Variants in CCSER1 observed in about 807,000 individuals in gnomAD.
The protein encoded by CCSER1 is serine-rich coiled-coil domain-containing protein 1.
A neutral mutation model predicts 82.0 loss-of-function variants in CCSER1; 41 were observed. The observed-to-expected ratio is 0.50, with a 90% CI of 0.39 to 0.65. The LOEUF (loss-of-function observed/expected upper bound fraction) is 0.65, where lower values mean the gene tolerates loss of function less well. Among genes scored for constraint, CCSER1 ranks in the 30% least tolerant of loss-of-function variants. The pLI is 0.00. For synonymous variants in CCSER1, 414 were observed against 383.9 expected, an observed-to-expected ratio of 1.08 and a Z score of -0.92; for missense variants, 1,119 against 1,064.2, an observed-to-expected ratio of 1.05 and a Z score of -0.72.
chr4:90,321,635 C>G (rs1561024491), intron 3 of CCSER1, among the ~76,000 whole-genome samples: 1 of 152,128 alleles, frequency 6.6e-6, no homozygotes, highest in African/African-American at 2.4e-5. Flanking sequence ...CAAGGAATCT[C>G]CAAAATGTTC....
chr4:91,037,677 A>G (rs1297128614), intron 9 of CCSER1, among the ~76,000 whole-genome samples: 2 of 152,134 alleles, frequency 1.3e-5, no homozygotes, highest in Non-Finnish European at 2.9e-5. Flanking sequence ...CATAAAAATG[A>G]AAGAAAGATA....
chr4:90,751,272 C>T (rs1210033024), intron 7 of CCSER1, among the ~76,000 whole-genome samples: 1 of 152,054 alleles, frequency 6.6e-6, no homozygotes, highest in Admixed American at 6.6e-5. Flanking sequence ...TTAATATACA[C>T]AAAATTTAGC....
At chr4:90,664,371 G>A (rs958539550) in intron 6 of CCSER1, among the ~76,000 whole-genome samples, 49 of 152,088 alleles carry the variant, frequency 3.2e-4, no homozygotes, top group Non-Finnish European at 1.5e-4. Flanking sequence ...ATTTGTTAAT[G>A]TGTTCTCACA....
chr4:91,185,603 T>C (rs556318295), intron 10 of CCSER1, among the ~76,000 whole-genome samples: 1 of 152,318 alleles, frequency 6.6e-6, no homozygotes, highest in South Asian at 2.1e-4. Context: ...AGGTTTAGAA[T>C]GGGGCCCAGG....
chr4:90,815,769 T>C lies in CCSER1; in HGVS notation c.2018T>C (p.Met673Thr). ...TCTTTGATGTTTTTATAGGATATAA[T>C]GAAAGATGAATGCTCGATGCTCAAG... is the stretch of plus-strand genomic sequence containing the variant. Reference protein sequence around the residue: ...TEEPVPFKDIMKDECSMLKLQ... With the variant: ...TEEPVPFKDITKDECSMLKLQ... Residue 673 changes from methionine to threonine, a missense_variant, in exon 8 of 11, where the codon ATG (methionine) becomes ACG (threonine). By Grantham distance (81) the Met-to-Thr change is moderately conservative. Coordinates refer to ENST00000509176, the MANE Select transcript of CCSER1 (RefSeq NM_001145065.2). 6.4e-7 allele frequency: 1 copy of C among 1,550,604 alleles called. No individual in the cohort carries two copies. Among genetic ancestry groups the C allele is most frequent in the South Asian group, 1.2e-5 (1 of 83,966 alleles).
In CCSER1 at chr4:90,238,894, A is replaced by G. The variant is rs562023382; in HGVS notation, c.-41-69350A>G. On this transcript the variant is annotated intron_variant, in intron 1 of 10. Coordinates refer to ENST00000509176, the MANE Select transcript of CCSER1 (RefSeq NM_001145065.2). ...GAGACAGAGTCTCACTTTGTTGCCC[A>G]GGCTGCAGTGCAATGGCATGATCTC... Among the ~76,000 whole-genome samples, 8 of 151,782 alleles carry G rather than the reference A, an allele frequency of 5.3e-5. No individual in the cohort carries two copies. The East Asian group carries it at 1.6e-3, about 29-fold the overall frequency.
At chr4:90,265,457 G>A (rs1409562846) in intron 1 of CCSER1, among the ~76,000 whole-genome samples, 1 of 151,572 alleles carries the variant, frequency 6.6e-6, no homozygotes, top group Non-Finnish European at 1.5e-5. Flanking sequence ...ATTTTTTCTT[G>A]AACATAATGA....
At chr4:90,889,537 G>GC (rs1722658561) in intron 8 of CCSER1, among the ~76,000 whole-genome samples, 1 of 152,104 alleles carries the variant, frequency 6.6e-6, no homozygotes. Flanking sequence ...AGAAGGATAA[G>GC]CCCATTAGGG....
intron 5 of CCSER1, among the ~76,000 whole-genome samples, chr4:90,573,060 G>A (rs902068694): frequency 3.3e-5 from 5 of 152,228 alleles, no homozygotes; most frequent in Non-Finnish European, 7.3e-5. Flanking sequence ...GAACCCTGGG[G>A]ACTACAACAG....
At chr4:90,527,600 A>C (rs2153628555) in intron 5 of CCSER1, among the ~76,000 whole-genome samples, 1 of 152,276 alleles carries the variant, frequency 6.6e-6, no homozygotes, top group Admixed American at 6.5e-5. Flanking sequence ...CCCCTGAAGA[A>C]ATCAAGGCTC....
chr4:90,503,646 A>G (rs1770261255), intron 5 of CCSER1, among the ~76,000 whole-genome samples: 1 of 152,004 alleles, frequency 6.6e-6, no homozygotes, highest in Non-Finnish European at 1.5e-5. Context: ...CCCACCTATG[A>G]GTGAGAACAT....
At chr4:90,762,499 C>T (rs935877787) in intron 7 of CCSER1, among the ~76,000 whole-genome samples, 3 of 152,110 alleles carry the variant, frequency 2.0e-5, no homozygotes, top group African/African-American at 7.2e-5. Flanking sequence ...TTTGCACATC[C>T]AGGACTGCCT....
intron 6 of CCSER1, among the ~76,000 whole-genome samples, chr4:90,665,402 G>A (rs188271077): frequency 4.7e-3 from 717 of 151,528 alleles, no homozygotes; most frequent in Middle Eastern, 0.02. Context: ...GCTCACTGCA[G>A]GCTCCGCCCC....
intron 10 of CCSER1, among the ~76,000 whole-genome samples, chr4:91,435,962 A>G (rs770526548): frequency 3.9e-5 from 6 of 152,208 alleles, no homozygotes; most frequent in Non-Finnish European, 7.3e-5. Flanking sequence ...CAGTAGAAGA[A>G]AGCTCCTTGG....
rs186419539 is a variant in CCSER1, at chr4:91,502,415, A to C, written c.2218-96157A>C. 1.8e-4 allele frequency among the ~76,000 whole-genome samples: 27 copies of C among 152,302 alleles called. No homozygotes were observed. The East Asian group carries it at 5.2e-3, about 29-fold the overall frequency. On this transcript the variant is annotated intron_variant, in intron 10 of 10. Transcript: ENST00000509176. Reference sequence around the variant, plus strand: ...GTGAAAAAAATTTGAAAATTAATGAAATTAAATCAAACATATTCTTGGCAT... The same window carrying C: ...GTGAAAAAAATTTGAAAATTAATGACATTAAATCAAACATATTCTTGGCAT...
intron 1 of CCSER1, among the ~76,000 whole-genome samples, chr4:90,157,324 A>G (rs1266842669): frequency 1.3e-5 from 2 of 151,856 alleles, no homozygotes; most frequent in South Asian, 2.1e-4. Context: ...CTTCATTTCA[A>G]CTTTGGTGAA....
intron 10 of CCSER1, among the ~76,000 whole-genome samples, chr4:91,157,403 G>T (rs1458050968): frequency 1.3e-5 from 2 of 151,764 alleles, no homozygotes; most frequent in African/African-American, 4.8e-5. Flanking sequence ...GCCTTATAAG[G>T]CATTTCTCTT....
intron 6 of CCSER1, among the ~76,000 whole-genome samples, chr4:90,700,050 C>T (rs540279083): frequency 6.6e-6 from 1 of 151,686 alleles, no homozygotes; most frequent in African/African-American, 2.4e-5. Flanking sequence ...AGGTTTGTTA[C>T]ATATGTATAC....
intron 5 of CCSER1, among the ~76,000 whole-genome samples, chr4:90,484,834 TGAG>T (rs1766732752): frequency 6.6e-6 from 1 of 152,172 alleles, no homozygotes; most frequent in South Asian, 2.1e-4. Flanking sequence ...GGGACCCTCT[TGAG>T]GAGACAGTCT....
Sources: gnomAD v4.1 joint callset for allele counts (sites outside exome capture counted in the v4.1 genomes callset) on GRCh38, gnomAD v4.1.1 for gene constraint, MANE v1.5 for transcripts, NCBI Gene and HGNC (gene_info 2026-07-23, HGNC 2026-07-21) for gene names.